Variants in LRRC4C observed in about 807,000 individuals in gnomAD.
LRRC4C encodes the protein leucine rich repeat containing 4C.
Under a neutral mutation model 33.6 loss-of-function variants are expected in LRRC4C, and 5 were observed. The observed-to-expected ratio is 0.15, with a 90% CI of 0.08 to 0.31. The LOEUF (loss-of-function observed/expected upper bound fraction) is 0.31. Ranked by LOEUF, LRRC4C falls within the 10% of genes least tolerant of loss-of-function variation. The pLI is 1.00. For synonymous variants in LRRC4C, 329 were observed against 302.0 expected (o/e 1.09, Z -0.93); for missense variants, 560 against 796.7 (o/e 0.70, Z 3.58).
At chr11:41,455,464 A>G (rs950372776) in intron 1 of LRRC4C, among the ~76,000 whole-genome samples, 5 of 152,162 alleles carry the variant, frequency 3.3e-5, no homozygotes, top group Non-Finnish European at 7.4e-5. Flanking sequence ...CATACACACG[A>G]CACATACACA....
intron 1 of LRRC4C, among the ~76,000 whole-genome samples, chr11:41,457,796 G>A (rs1206808381): frequency 2.0e-5 from 3 of 152,026 alleles, no homozygotes; most frequent in Admixed American, 2.0e-4. Context: ...GGAGTACCAG[G>A]TACAAGGTTG....
intron 1 of LRRC4C, among the ~76,000 whole-genome samples, chr11:41,031,932 G>A (rs978842361): frequency 6.6e-6 from 1 of 151,926 alleles, no homozygotes; most frequent in Non-Finnish European, 1.5e-5. Flanking sequence ...TGATAACTTT[G>A]GTTAAAAAAG....
At chr11:41,106,754 G>T (rs1026619462) in intron 1 of LRRC4C, among the ~76,000 whole-genome samples, 1 of 151,964 alleles carries the variant, frequency 6.6e-6, no homozygotes, top group African/African-American at 2.4e-5. Flanking sequence ...AATGGTTGGC[G>T]GGGTACAGCA....
chr11:40,174,582 C>T (rs1037035150), intron 5 of LRRC4C, among the ~76,000 whole-genome samples: 6 of 152,138 alleles, frequency 3.9e-5, no homozygotes, highest in African/African-American at 1.2e-4. Flanking sequence ...TTTTCTGCAT[C>T]GAACCATATT....
At chr11:40,598,065 C>T (rs1959549671) in intron 3 of LRRC4C, among the ~76,000 whole-genome samples, 1 of 152,126 alleles carries the variant, frequency 6.6e-6, no homozygotes, top group African/African-American at 2.4e-5. Flanking sequence ...TCAAAAGTTT[C>T]CTCTGAAGTA....
chr11:40,512,418 C>G (rs147673009), intron 3 of LRRC4C, among the ~76,000 whole-genome samples: 1 of 151,992 alleles, frequency 6.6e-6, no homozygotes, highest in Non-Finnish European at 1.5e-5. Flanking sequence ...AAAACCAAAA[C>G]AAAACAAAAT....
chr11:40,784,657 G>C (rs1179954948), intron 2 of LRRC4C, among the ~76,000 whole-genome samples: 6 of 152,108 alleles, frequency 3.9e-5, no homozygotes, highest in African/African-American at 1.2e-4. Context: ...TATATGTGTT[G>C]ATTTTAAATA....
chr11:41,059,014 T>C (rs1858851556), intron 1 of LRRC4C, among the ~76,000 whole-genome samples: 1 of 151,994 alleles, frequency 6.6e-6, no homozygotes, highest in African/African-American at 2.4e-5. Context: ...TGAGTGCATA[T>C]GGACACAAAC....
intron 2 of LRRC4C, among the ~76,000 whole-genome samples, chr11:40,835,916 G>T (rs11036095): frequency 0.1 from 15,259 of 151,970 alleles, 818 homozygotes; most frequent in South Asian, 0.15. Flanking sequence ...TGTTAGTTTT[G>T]GTCTGATGCT....
intron 1 of LRRC4C, among the ~76,000 whole-genome samples, chr11:41,418,015 CA>C (rs1269464996): frequency 8.6e-5 from 13 of 151,262 alleles, no homozygotes; most frequent in African/African-American, 2.9e-4. Context: ...TAGACCCCCC[CA>C]CACACACATA....
Position 40,452,868 on chromosome 11 carries a change from C to T in LRRC4C, c.-269-133147G>A, listed in dbSNP as rs368384995. Among the ~76,000 whole-genome samples, 88 of 152,230 alleles carry T rather than the reference C, an allele frequency of 5.8e-4. No individual in the cohort carries two copies. In the South Asian group the frequency reaches 0.017, roughly 30 times the overall value. The stretch of plus-strand genomic sequence containing the variant: ...ATGCAGCCATAAAAAATGATGAGTT[C>T]ATGTCCTTTGTAGGGACATGGATGA... On this transcript the variant is annotated intron_variant, in intron 3 of 6. Coordinates refer to ENST00000528697, the MANE Select transcript of LRRC4C (RefSeq NM_001258419.2).
At chr11:40,340,760 G>T (rs1946830390) in intron 3 of LRRC4C, among the ~76,000 whole-genome samples, 1 of 152,060 alleles carries the variant, frequency 6.6e-6, no homozygotes. Flanking sequence ...CAGAGCTGAG[G>T]TTAAATATCA....
chr11:41,025,703 AG>A (rs1856296263), intron 1 of LRRC4C, among the ~76,000 whole-genome samples: 1 of 151,688 alleles, frequency 6.6e-6, no homozygotes, highest in Admixed American at 6.6e-5. Flanking sequence ...TAATTGACAA[AG>A]GTGGCTACAC....
At chr11:40,832,114 T>C (rs1263553585) in intron 2 of LRRC4C, among the ~76,000 whole-genome samples, 2 of 152,182 alleles carry the variant, frequency 1.3e-5, no homozygotes, top group African/African-American at 4.8e-5. Flanking sequence ...CCAGGCTATA[T>C]GGTATAACCT....
At chr11:40,967,156 G>C (rs1048493030) in intron 1 of LRRC4C, among the ~76,000 whole-genome samples, 8 of 151,786 alleles carry the variant, frequency 5.3e-5, no homozygotes, top group African/African-American at 1.9e-4. Context: ...AAGAGAAAAG[G>C]AAAGAAGGAA....
intron 5 of LRRC4C, among the ~76,000 whole-genome samples, chr11:40,150,454 T>G (rs1858100214): frequency 6.6e-6 from 1 of 152,220 alleles, no homozygotes; most frequent in Admixed American, 6.5e-5. Flanking sequence ...TAGTTTGACT[T>G]AGACTTGTTT....
intron 2 of LRRC4C, among the ~76,000 whole-genome samples, chr11:40,764,415 T>C (rs1949357200): frequency 6.6e-6 from 1 of 152,082 alleles, no homozygotes. Context: ...GGACTTTGTC[T>C]TGCAGCTTGT....
chr11:40,355,702 G>A (rs901641126), intron 3 of LRRC4C, among the ~76,000 whole-genome samples: 1 of 152,080 alleles, frequency 6.6e-6, no homozygotes, highest in Non-Finnish European at 1.5e-5. Context: ...GATGGTGGAG[G>A]GGTGGTATAG....
intron 2 of LRRC4C, among the ~76,000 whole-genome samples, chr11:40,810,791 T>C (rs1431505492): frequency 6.6e-6 from 1 of 152,180 alleles, no homozygotes; most frequent in African/African-American, 2.4e-5. Context: ...CCACCAACTT[T>C]CGTCAATTCC....
Sources: gnomAD v4.1 joint callset for allele counts (sites outside exome capture counted in the v4.1 genomes callset) on GRCh38, gnomAD v4.1.1 for gene constraint, MANE v1.5 for transcripts, NCBI Gene and HGNC (gene_info 2026-07-23, HGNC 2026-07-21) for gene names.